BTBD9: variants seen among roughly 807,000 people sequenced by gnomAD.
The protein encoded by BTBD9 is BTB domain containing 9.
BTBD9 carries 49 observed loss-of-function variants against 64.3 expected under a neutral mutation model. The observed-to-expected ratio is 0.76, with a 90% CI of 0.61 to 0.97. BTBD9 has a LOEUF of 0.97. BTBD9 is among the 50% of genes least tolerant of loss of function. BTBD9 has a pLI of 0.00. For missense variants in BTBD9, 598 were observed against 762.1 expected (o/e 0.78, Z 2.53); for synonymous variants, 260 against 274.7 (o/e 0.95, Z 0.53).
intron 8 of BTBD9, among the ~76,000 whole-genome samples, chr6:38,283,153 T>G (rs1761585477): frequency 6.6e-6 from 1 of 152,174 alleles, no homozygotes; most frequent in Non-Finnish European, 1.5e-5. Flanking sequence ...CTAAGAGGAT[T>G]AGACAGCCAC....
intron 8 of BTBD9, among the ~76,000 whole-genome samples, chr6:38,285,026 C>T (rs998979519): frequency 3.3e-5 from 5 of 152,006 alleles, no homozygotes; most frequent in Non-Finnish European, 5.9e-5. Flanking sequence ...ACGCAGGACA[C>T]GAGGTTGTAT....
chr6:38,397,195 C>T (rs1766719777), intron 6 of BTBD9, among the ~76,000 whole-genome samples: 1 of 152,138 alleles, frequency 6.6e-6, no homozygotes, highest in African/African-American at 2.4e-5. Context: ...AGCCACTGCA[C>T]CGTCTCACTT....
In BTBD9 at chr6:38,191,542, G is replaced by A. The variant is rs1308281959; in HGVS notation, c.1641+977C>T. Among the ~76,000 whole-genome samples, 4 of 152,174 alleles carry A rather than the reference G, an allele frequency of 2.6e-5. No individual in the cohort carries two copies. The South Asian group carries it at 8.3e-4, about 31-fold the overall frequency. On this transcript the variant is annotated intron_variant, in intron 10 of 10. Transcript: ENST00000481247. ...GACACCCCACTGCCACCGCCCTGCCGGCCAGTGTAGCCCCTCACAGGCACC... is the reference window on the plus strand; with the variant it reads ...GACACCCCACTGCCACCGCCCTGCCAGCCAGTGTAGCCCCTCACAGGCACC...
At chr6:38,533,645 C>T (rs1403014486) in intron 6 of BTBD9, among the ~76,000 whole-genome samples, 1 of 152,022 alleles carries the variant, frequency 6.6e-6, no homozygotes, top group African/African-American at 2.4e-5. Flanking sequence ...TGTTAGGTCA[C>T]AAAAAAGTCT....
intron 9 of BTBD9, among the ~76,000 whole-genome samples, chr6:38,236,068 C>T (rs1464513742): frequency 6.6e-6 from 1 of 152,152 alleles, no homozygotes; most frequent in Non-Finnish European, 1.5e-5. Context: ...ACAGCCAGAA[C>T]TCTTATTTTT....
At chr6:38,615,940 C>G (rs996871423) in intron 1 of BTBD9, among the ~76,000 whole-genome samples, 17 of 152,196 alleles carry the variant, frequency 1.1e-4, no homozygotes, top group African/African-American at 4.1e-4. Context: ...AAGATCCCTG[C>G]TCCCAGATAC....
intron 6 of BTBD9, among the ~76,000 whole-genome samples, chr6:38,365,154 G>C (rs1422536425): frequency 6.6e-6 from 1 of 152,060 alleles, no homozygotes; most frequent in Non-Finnish European, 1.5e-5. Context: ...CTTAGTCTAT[G>C]CCAGGCACTA....
At chr6:38,406,941 C>G (rs1767195237) in intron 6 of BTBD9, among the ~76,000 whole-genome samples, 1 of 152,138 alleles carries the variant, frequency 6.6e-6, no homozygotes, top group African/African-American at 2.4e-5. Context: ...AATGACCAGT[C>G]TGAGCAGGAT....
intron 7 of BTBD9, among the ~76,000 whole-genome samples, chr6:38,306,268 A>G (rs1393163316): frequency 2.0e-5 from 3 of 152,208 alleles, no homozygotes; most frequent in Non-Finnish European, 2.9e-5. Flanking sequence ...TTTCTGTCCC[A>G]ATTTGTGTCA....
At chr6:38,621,562 G>T (rs944982091) in intron 1 of BTBD9, among the ~76,000 whole-genome samples, 3 of 152,246 alleles carry the variant, frequency 2.0e-5, no homozygotes, top group Non-Finnish European at 4.4e-5. Flanking sequence ...AGCAGAACTA[G>T]TGGTGCTTAC....
intron 9 of BTBD9, among the ~76,000 whole-genome samples, chr6:38,232,866 A>G (rs893139099): frequency 1.3e-5 from 2 of 152,150 alleles, no homozygotes; most frequent in Non-Finnish European, 2.9e-5. Flanking sequence ...GCTTCCTCCT[A>G]TAGCCCAGGC....
intron 6 of BTBD9, among the ~76,000 whole-genome samples, chr6:38,371,687 A>G (rs1045823719): frequency 6.6e-6 from 1 of 152,190 alleles, no homozygotes; most frequent in Non-Finnish European, 1.5e-5. Context: ...CAGCTTCCCA[A>G]TCTTTCTGTA....
intron 10 of BTBD9, among the ~76,000 whole-genome samples, chr6:38,185,007 G>A (rs536869373): frequency 1.4e-4 from 21 of 152,212 alleles, no homozygotes; most frequent in African/African-American, 5.1e-4. Context: ...CCTCTGACAC[G>A]CTCGTGGGCT....
At chr6:38,254,344 C>T (rs73412516) in intron 9 of BTBD9, among the ~76,000 whole-genome samples, 1,968 of 151,970 alleles carry the variant, frequency 0.013, 42 homozygotes, top group African/African-American at 0.044. Flanking sequence ...ATAATTACTA[C>T]AATAATAATG....
At chr6:38,612,747 T>G (rs1176947031) in intron 1 of BTBD9, 1 of 152,130 alleles carries the variant, frequency 6.6e-6, no homozygotes, top group Admixed American at 6.5e-5. Context: ...TTCTCCACAC[T>G]CTCCCCACCC....
intron 6 of BTBD9, among the ~76,000 whole-genome samples, chr6:38,570,761 G>C (rs1775727308): frequency 6.6e-6 from 1 of 152,130 alleles, no homozygotes; most frequent in Non-Finnish European, 1.5e-5. Flanking sequence ...GAACTAGCTA[G>C]CAAGCACCAA....
chr6:38,307,189 C>A (rs965257474), intron 7 of BTBD9, among the ~76,000 whole-genome samples: 1 of 152,176 alleles, frequency 6.6e-6, no homozygotes, highest in Non-Finnish European at 1.5e-5. Context: ...ATCCAACCTT[C>A]TGTCAAATTA....
intron 7 of BTBD9, among the ~76,000 whole-genome samples, chr6:38,333,506 G>A (rs1763758645): frequency 6.6e-6 from 1 of 152,178 alleles, no homozygotes; most frequent in East Asian, 1.9e-4. Context: ...CCTGGTGGGA[G>A]GTGACTGAAT....
intron 6 of BTBD9, among the ~76,000 whole-genome samples, chr6:38,488,748 G>A (rs941754825): frequency 2.6e-5 from 4 of 151,760 alleles, no homozygotes; most frequent in Non-Finnish European, 5.9e-5. Context: ...ATGCTTTTTT[G>A]AATTTCAAAA....
Sources: gnomAD v4.1 joint callset for allele counts (sites outside exome capture counted in the v4.1 genomes callset) on GRCh38, gnomAD v4.1.1 for gene constraint, MANE v1.5 for transcripts, NCBI Gene and HGNC (gene_info 2026-07-23, HGNC 2026-07-21) for gene names.